Variants in FAM107B observed in about 807,000 individuals in gnomAD.
The protein encoded by FAM107B is protein FAM107B.
FAM107B carries 21 observed loss-of-function variants against 31.5 expected under a neutral mutation model. That is an observed-to-expected ratio of 0.67 (90% CI 0.47 to 0.96). The LOEUF is 0.96. Among genes scored for constraint, FAM107B ranks in the 40% least tolerant of loss-of-function variants. The pLI, the probability that FAM107B is intolerant of heterozygous loss-of-function variation, is 0.00. For synonymous variants in FAM107B, 157 were observed against 141.5 expected (o/e 1.11, Z -0.78); for missense variants, 452 against 377.1 (o/e 1.20, Z -1.64).
intron 1 of FAM107B, among the ~76,000 whole-genome samples, chr10:14,754,728 G>A (rs1035129866): frequency 7.9e-5 from 12 of 152,210 alleles, no homozygotes; most frequent in Admixed American, 1.3e-4. Context: ...AACAGAAGCT[G>A]TACTTTTCTT....
chr10:14,527,915 T>C (rs991747246), intron 3 of FAM107B: 4 of 242,852 alleles, frequency 1.6e-5, no homozygotes, highest in East Asian at 1.3e-4. Context: ...AATCACTGTA[T>C]TTCTAACAAG....
chr10:14,605,002 C>T (rs1474492691), intron 2 of FAM107B, among the ~76,000 whole-genome samples: 4 of 152,164 alleles, frequency 2.6e-5, no homozygotes, highest in African/African-American at 7.2e-5. Context: ...GGTGTCCGGG[C>T]TCCGTCTCCC....
chr10:14,574,319 T>C (rs1298511051), intron 2 of FAM107B, among the ~76,000 whole-genome samples: 1 of 152,232 alleles, frequency 6.6e-6, no homozygotes, highest in Non-Finnish European at 1.5e-5. Flanking sequence ...ATCTATCCAA[T>C]ATCTCAAAAC....
intron 2 of FAM107B, among the ~76,000 whole-genome samples, chr10:14,604,586 T>A (rs1466252474): frequency 6.6e-6 from 1 of 151,294 alleles, no homozygotes. Context: ...CAGCCGGGGC[T>A]GCAGCGCTCG....
chr10:14,692,284 C>G (rs11591805), intron 1 of FAM107B, among the ~76,000 whole-genome samples: 2 of 152,092 alleles, frequency 1.3e-5, no homozygotes, highest in Non-Finnish European at 2.9e-5. Context: ...CCCCTGGCGG[C>G]TCTGCTCCCT....
chr10:14,647,836 C>T (rs10906729), intron 2 of FAM107B, among the ~76,000 whole-genome samples: 46,154 of 152,008 alleles, frequency 0.3, 7,174 homozygotes, highest in South Asian at 0.38. Context: ...TCAGTAAGGG[C>T]TGTCTCCAGA....
At chr10:14,549,621 G>C (rs1169725564) in intron 2 of FAM107B, among the ~76,000 whole-genome samples, 2 of 152,152 alleles carry the variant, frequency 1.3e-5, no homozygotes, top group African/African-American at 4.8e-5. Context: ...TGTGGTTCCA[G>C]GACGCCAAGC....
chr10:14,622,240 C>G (rs952494034), intron 2 of FAM107B, among the ~76,000 whole-genome samples: 3 of 151,698 alleles, frequency 2.0e-5, no homozygotes, highest in Non-Finnish European at 4.4e-5. Flanking sequence ...GCAGAGGAGA[C>G]AGACATTGGA....
At chr10:14,575,424 A>T (rs1851435374) in intron 2 of FAM107B, among the ~76,000 whole-genome samples, 1 of 152,154 alleles carries the variant, frequency 6.6e-6, no homozygotes, top group African/African-American at 2.4e-5. Context: ...GCTGGTCTCG[A>T]ATTCCTGACC....
chr10:14,587,240 G>A (rs1564588424), intron 2 of FAM107B, among the ~76,000 whole-genome samples: 3 of 152,108 alleles, frequency 2.0e-5, no homozygotes, highest in Non-Finnish European at 4.4e-5. Context: ...GCCAGTGTCG[G>A]AACTAATAAA....
chr10:14,753,696 T>G (rs994066852), intron 1 of FAM107B, among the ~76,000 whole-genome samples: 28 of 152,224 alleles, frequency 1.8e-4, no homozygotes, highest in African/African-American at 6.8e-4. Flanking sequence ...TTTTGTTTAC[T>G]TCAATTTTTT....
chr10:14,744,897 GTTCT>G (rs954859604), intron 1 of FAM107B, among the ~76,000 whole-genome samples: 3 of 152,008 alleles, frequency 2.0e-5, no homozygotes, highest in African/African-American at 7.2e-5. Flanking sequence ...GTCCTGGGTA[GTTCT>G]TTGTTTGTTT....
chr10:14,659,538 C>A (rs1437965356), intron 2 of FAM107B, among the ~76,000 whole-genome samples: 4 of 152,202 alleles, frequency 2.6e-5, no homozygotes, highest in Admixed American at 6.5e-5. Flanking sequence ...AGTTTCCCTT[C>A]TTTTTTTCTC....
chr10:14,571,897 C>T lies in FAM107B; in HGVS notation c.470-41382G>A, dbSNP rs993743183. 4.1e-6 allele frequency: 4 copies of T among 985,284 alleles called. No individual in the cohort carries two copies. The East Asian group carries it at 3.4e-4, about 84-fold the overall frequency. The allele number at this position is 985,284 out of a possible 1,614,324, so 61.0% of individuals were successfully genotyped here. A position where few individuals can be genotyped will look rare whatever the true frequency, so the allele number is the denominator to read the frequency against. The stretch of plus-strand genomic sequence containing the variant: ...CACCCATCAAGGCCTAAGTGACGAA[C>T]GGTTACAGAGACTGACCTAACCTCA... On this transcript the variant is annotated intron_variant, in intron 2 of 4. Coordinates refer to ENST00000181796, the MANE Select transcript of FAM107B (RefSeq NM_031453.4).
At chr10:14,634,604 G>GA (rs551097349) in intron 2 of FAM107B, among the ~76,000 whole-genome samples, 20 of 151,702 alleles carry the variant, frequency 1.3e-4, no homozygotes, top group Non-Finnish European at 2.4e-4. Context: ...AAAGAAAAAA[G>GA]AAAAAAAACC....
intron 2 of FAM107B, among the ~76,000 whole-genome samples, chr10:14,586,412 AT>A (rs926042852): frequency 2.4e-4 from 37 of 152,134 alleles, no homozygotes; most frequent in Admixed American, 2.0e-3. Flanking sequence ...TGGACTGAAT[AT>A]TTTTTCCTCC....
At chr10:14,670,589 C>G (rs923666685) in intron 1 of FAM107B, among the ~76,000 whole-genome samples, 23 of 152,296 alleles carry the variant, frequency 1.5e-4, no homozygotes, top group African/African-American at 5.5e-4. Flanking sequence ...GATGAAAAGA[C>G]TCTCCCCTTT....
chr10:14,632,336 G>A (rs1377955156), intron 2 of FAM107B, among the ~76,000 whole-genome samples: 1 of 145,390 alleles, frequency 6.9e-6, no homozygotes, highest in Middle Eastern at 3.9e-3. Context: ...AAAATGCCGG[G>A]CGCAGTGGCT....
intron 1 of FAM107B, among the ~76,000 whole-genome samples, chr10:14,679,088 C>G (rs546998255): frequency 6.6e-6 from 1 of 152,204 alleles, no homozygotes; most frequent in African/African-American, 2.4e-5. Flanking sequence ...CATGCAGGAA[C>G]TGTGTGAGCC....
Sources: allele counts gnomAD v4.1 joint callset (sites outside exome capture counted in the v4.1 genomes callset), GRCh38; gene constraint gnomAD v4.1.1; transcripts MANE v1.5; gene names NCBI Gene and HGNC (gene_info 2026-07-23, HGNC 2026-07-21).